Variants in NIBAN3 observed in about 807,000 individuals in gnomAD.
NIBAN3 encodes the protein niban apoptosis regulator 3.
NIBAN3 carries 66 observed loss-of-function variants against 76.4 expected under a neutral mutation model. The observed-to-expected ratio is 0.86, with a 90% CI of 0.71 to 1.06. The LOEUF (loss-of-function observed/expected upper bound fraction) is 1.06, where lower values mean the gene tolerates loss of function less well. Among genes scored for constraint, NIBAN3 ranks in the 50% least tolerant of loss-of-function variants. The probability of loss-of-function intolerance (pLI) is 0.00; values close to 1 mark genes in which losing one functional copy is unlikely to be tolerated. For synonymous variants in NIBAN3, 360 were observed against 355.2 expected (o/e 1.01, Z -0.15); for missense variants, 808 against 810.7 (o/e 1.00, Z 0.04).
At chr19:17,545,910 TC>T (rs1456155740) in intron 12 of NIBAN3, 2 of 427,402 alleles carry the variant, frequency 4.7e-6, no homozygotes, top group East Asian at 1.4e-4. Context: ...TTCTCTAAAC[TC>T]CCCCGGAGAA....
chr19:17,552,757 CTCA>C lies in NIBAN3; in HGVS notation c.*862_*864del, dbSNP rs1317981647. 6.6e-6 allele frequency: 1 copy of C among 151,764 alleles called. No homozygotes were observed. Among genetic ancestry groups the C allele is most frequent in the Non-Finnish European group, 1.5e-5 (1 of 68,074 alleles). The allele number at this position is 151,764 out of a possible 1,614,324, so 9.4% of individuals were successfully genotyped here. A position where few individuals can be genotyped will look rare whatever the true frequency, so the allele number is the denominator to read the frequency against. The stretch of plus-strand genomic sequence containing the variant: ...ACCAGCCTGGCGAACATAGTGAGAC[CTCA>C]TCTCTACAAAAAATACAAAATTAGC... On this transcript the variant is annotated 3_prime_UTR_variant, in exon 15 of 15. Transcript: ENST00000599164.
chr19:17,543,753 GAGGCCAAGGC>G, intron 12 of NIBAN3, 122 bp downstream of exon 12: 1 of 785,984 alleles, frequency 1.3e-6, no homozygotes, highest in Admixed American at 2.6e-5. Context: ...AGCAATTTGG[GAGGCCAAGGC>G]AGGCAGATCA....
chr19:17,538,415 T>TAAAAAAA (rs74658358), intron 5 of NIBAN3, among the ~76,000 whole-genome samples: 1 of 115,126 alleles, frequency 8.7e-6, no homozygotes, highest in East Asian at 2.5e-4. Context: ...GACTCTGTCT[T>TAAAAAAA]AAAAAAAAAA....
chr19:17,532,511 C>A, intron 3 of NIBAN3, 123 bp downstream of exon 3: 4 of 1,472,662 alleles, frequency 2.7e-6, no homozygotes, highest in Non-Finnish European at 3.8e-6. Flanking sequence ...CAGGATGAAT[C>A]TTGTGCCCCT....
intron 2 of NIBAN3, 70 bp downstream of exon 2, chr19:17,530,955 T>C (rs2075710663): frequency 6.5e-7 from 1 of 1,534,304 alleles, no homozygotes; most frequent in African/African-American, 1.4e-5. Context: ...CCCTAGGCCA[T>C]GCTTCCAACC....
At chr19:17,539,812 T>C (rs1256096921) in intron 8 of NIBAN3, 47 bp downstream of exon 8, 2 of 1,416,412 alleles carry the variant, frequency 1.4e-6, no homozygotes, top group South Asian at 1.3e-5. Context: ...GAGGCGATGC[T>C]GGGGAAAAAG....
upstream of NIBAN3, among the ~76,000 whole-genome samples, chr19:17,526,908 TC>T (rs911383321): frequency 3.9e-5 from 6 of 152,016 alleles, no homozygotes; most frequent in African/African-American, 1.4e-4. Flanking sequence ...CAGGGCTGTA[TC>T]CTCTCTGGGG....
At chr19:17,550,704 A>G (rs1295475719) in intron 14 of NIBAN3, among the ~76,000 whole-genome samples, 1 of 152,164 alleles carries the variant, frequency 6.6e-6, no homozygotes, top group African/African-American at 2.4e-5. Flanking sequence ...GAGTGTTAGA[A>G]TATTTCAGGA....
At chr19:17,553,756 C>T, downstream of NIBAN3, 1 of 600,610 alleles carries the variant, frequency 1.7e-6, no homozygotes, top group South Asian at 2.0e-5. Context: ...CATTGTTTGC[C>T]CTTGGGTCTA....
At chr19:17,529,207 T>TG (rs920875581) in intron 1 of NIBAN3, among the ~76,000 whole-genome samples, 15 of 152,082 alleles carry the variant, frequency 9.9e-5, no homozygotes, top group Admixed American at 2.6e-4. Flanking sequence ...CTCATGGGGC[T>TG]GGGGGGGCAT....
chr19:17,526,960 G>T (rs555310804), upstream of NIBAN3, among the ~76,000 whole-genome samples: 1 of 152,188 alleles, frequency 6.6e-6, no homozygotes, highest in East Asian at 1.9e-4. Flanking sequence ...GTGCTGGTGG[G>T]GGGGTGTGGC....
chr19:17,525,695 G>T (rs1662937400), upstream of NIBAN3, among the ~76,000 whole-genome samples: 6 of 152,184 alleles, frequency 3.9e-5, no homozygotes, highest in Admixed American at 3.9e-4. Context: ...AGGGCTCTTG[G>T]AGCGATGAGG....
At chr19:17,527,006 CT>C (rs1282604193), upstream of NIBAN3, among the ~76,000 whole-genome samples, 1 of 152,128 alleles carries the variant, frequency 6.6e-6, no homozygotes, top group East Asian at 1.9e-4. Context: ...GCCCATCCCC[CT>C]GTTCCAGCCC....
chr19:17,547,215 A>G (rs955908967), intron 13 of NIBAN3, among the ~76,000 whole-genome samples: 6 of 151,362 alleles, frequency 4.0e-5, no homozygotes, highest in Non-Finnish European at 2.9e-5. Context: ...TTAGCCGGGC[A>G]TGATGGCACA....
At chr19:17,523,316 G>A (rs902900966), upstream of NIBAN3, 4 of 869,036 alleles carry the variant, frequency 4.6e-6, no homozygotes, top group Non-Finnish European at 6.9e-6. Context: ...GCAGGAGATG[G>A]GAATTGAAAC....
Position 17,546,676 on chromosome 19 carries a change from A to G in NIBAN3, c.1555-10A>G, listed in dbSNP as rs1354731787. 7 of 1,542,058 alleles carry G rather than the reference A, an allele frequency of 4.5e-6. No individual in the cohort carries two copies. The South Asian group carries it at 6.2e-5, about 14-fold the overall frequency. ...TCTCCATCCGAGCCCCTAACCCGCC[A>G]TGGTTCCAGGAGCTGCCTGAGTTCG... On this transcript the variant is annotated splice_polypyrimidine_tract_variant and intron_variant, in intron 12 of 14. Transcript: ENST00000599164.
Position 17,542,471 on chromosome 19 carries a change from G to T in NIBAN3, c.1329+177G>T, listed in dbSNP as rs113767761. ...GCCACATGTGGTGGACAGAGCTGGG[G>T]CAGGGTGTACAGGGAGCGCCAAGGA... On this transcript the variant is annotated intron_variant, in intron 10 of 14. Coordinates refer to ENST00000599164, the MANE Select transcript of NIBAN3 (RefSeq NM_001321827.2). The surrounding 1 kb of genome is among the most constrained non-coding windows in gnomAD (Gnocchi z 4.8). 0.032 allele frequency among the ~76,000 whole-genome samples: 4,920 copies of T among 152,300 alleles called. 240 individuals are homozygous for T. Among genetic ancestry groups the T allele is most frequent in the African/African-American group, 0.11 (4,487 of 41,528 alleles).
intron 8 of NIBAN3, chr19:17,540,025 C>T (rs1341631794): frequency 6.7e-6 from 3 of 446,380 alleles, no homozygotes; most frequent in Non-Finnish European, 1.2e-5. Flanking sequence ...CCTAAGGGGG[C>T]TGCTTGGATA....
At chr19:17,523,706 C>T (rs1286854264), upstream of NIBAN3, among the ~76,000 whole-genome samples, 1 of 152,182 alleles carries the variant, frequency 6.6e-6, no homozygotes, top group African/African-American at 2.4e-5. Context: ...CAAGGCTCCA[C>T]GTGGCCCCTT....
Sources: allele counts gnomAD v4.1 joint callset (sites outside exome capture counted in the v4.1 genomes callset), GRCh38; gene constraint gnomAD v4.1.1; non-coding constraint Gnocchi (gnomAD v3.1); transcripts MANE v1.5; gene names NCBI Gene and HGNC (gene_info 2026-07-23, HGNC 2026-07-21).